TMC1: variants seen among roughly 807,000 people sequenced by gnomAD.
TMC1 encodes transmembrane channel-like protein 1.
Under a neutral mutation model 105.8 loss-of-function variants are expected in TMC1, and 84 were observed. The ratio of observed to expected loss-of-function variants is 0.79; its 90% CI spans 0.67 to 0.95. TMC1 has a LOEUF of 0.95. Ranked by LOEUF, TMC1 falls within the 40% of genes least tolerant of loss-of-function variation. TMC1 has a pLI of 0.00. For synonymous variants in TMC1, 315 were observed against 311.5 expected, an observed-to-expected ratio of 1.01 and a Z score of -0.12; for missense variants, 817 against 914.1, an observed-to-expected ratio of 0.89 and a Z score of 1.37.
intron 4 of TMC1, among the ~76,000 whole-genome samples, chr9:72,645,474 T>C (rs1825694940): frequency 6.6e-6 from 1 of 152,154 alleles, no homozygotes; most frequent in Non-Finnish European, 1.5e-5. Context: ...CCAGTCAAAA[T>C]AAGAGCAGAC....
chr9:72,554,660 T>G (rs1823902842), intron 1 of TMC1, among the ~76,000 whole-genome samples: 1 of 152,186 alleles, frequency 6.6e-6, no homozygotes, highest in Non-Finnish European at 1.5e-5. Context: ...AACCATTCAT[T>G]CACAAGCTTA....
intron 8 of TMC1, among the ~76,000 whole-genome samples, chr9:72,737,053 T>C (rs1384326458): frequency 1.3e-5 from 2 of 152,172 alleles, no homozygotes; most frequent in African/African-American, 4.8e-5. Flanking sequence ...TTTTGAGAAG[T>C]GTTGGGAGGA....
chr9:72,681,241 A>G (rs995308772), intron 5 of TMC1, among the ~76,000 whole-genome samples: 1 of 152,140 alleles, frequency 6.6e-6, no homozygotes, highest in Non-Finnish European at 1.5e-5. Context: ...CTCTGAATAT[A>G]TATTATGACA....
chr9:72,741,449 C>T, intron 9 of TMC1: 1 of 352,354 alleles, frequency 2.8e-6, no homozygotes, highest in Non-Finnish European at 5.4e-6. Context: ...TGTACCCAGA[C>T]AAAGCACATC....
In TMC1 at chr9:72,665,177, T is replaced by C. The variant is rs116364602; in HGVS notation, c.16+16513T>C. On this transcript the variant is annotated intron_variant, in intron 5 of 23. Coordinates refer to ENST00000297784, the MANE Select transcript of TMC1 (RefSeq NM_138691.3). Reference sequence around the variant, plus strand: ...CCACCTTTGTGTATGTGGTCTGTCATTGACTGAAGTGTCGTTATGTGGTAC... The same window carrying C: ...CCACCTTTGTGTATGTGGTCTGTCACTGACTGAAGTGTCGTTATGTGGTAC... 9.3e-3 allele frequency among the ~76,000 whole-genome samples: 1,413 copies of C among 152,338 alleles called. 25 individuals are homozygous for C. Among genetic ancestry groups the C allele is most frequent in the African/African-American group, 0.032 (1,320 of 41,588 alleles).
chr9:72,665,083 CAG>C (rs915283606), intron 5 of TMC1, among the ~76,000 whole-genome samples: 6 of 152,300 alleles, frequency 3.9e-5, no homozygotes, highest in Middle Eastern at 3.4e-3. Context: ...CAAGGGGTAT[CAG>C]GGAACTCTCC....
At chr9:72,588,888 G>C (rs1165955535) in intron 2 of TMC1, among the ~76,000 whole-genome samples, 1 of 151,072 alleles carries the variant, frequency 6.6e-6, no homozygotes, top group Non-Finnish European at 1.5e-5. Flanking sequence ...TGATTCTCCT[G>C]CCTCAGCCTC....
intron 2 of TMC1, among the ~76,000 whole-genome samples, chr9:72,615,241 G>A (rs1825107347): frequency 6.6e-6 from 1 of 152,132 alleles, no homozygotes; most frequent in African/African-American, 2.4e-5. Context: ...CTGGTAAACT[G>A]GAGGGGTGTG....
At chr9:72,765,606 A>G (rs1827817344) in intron 12 of TMC1, among the ~76,000 whole-genome samples, 1 of 151,234 alleles carries the variant, frequency 6.6e-6, no homozygotes, top group African/African-American at 2.4e-5. Flanking sequence ...ATTTAGGGAG[A>G]AAGGAGGGCA....
intron 11 of TMC1, among the ~76,000 whole-genome samples, chr9:72,752,631 C>G (rs565856422): frequency 6.6e-6 from 1 of 152,146 alleles, no homozygotes; most frequent in Non-Finnish European, 1.5e-5. Context: ...AGAGCCTTCA[C>G]TCATATGAAG....
intron 8 of TMC1, among the ~76,000 whole-genome samples, chr9:72,704,895 C>T (rs1320575015): frequency 6.6e-6 from 1 of 152,102 alleles, no homozygotes; most frequent in Non-Finnish European, 1.5e-5. Context: ...CTCCACTAAA[C>T]AGAATACTCA....
chr9:72,624,306 C>T (rs986946678), intron 3 of TMC1, among the ~76,000 whole-genome samples: 2 of 152,136 alleles, frequency 1.3e-5, no homozygotes, highest in Admixed American at 1.3e-4. Flanking sequence ...GATGGATCAT[C>T]CTGAGCACAT....
chr9:72,576,737 C>T (rs1292877683), intron 1 of TMC1, among the ~76,000 whole-genome samples: 2 of 150,270 alleles, frequency 1.3e-5, no homozygotes, highest in African/African-American at 4.9e-5. Flanking sequence ...TCAAGCGATT[C>T]TCCTGCTCAG....
chr9:72,536,376 AGGC>A (rs1379245345), intron 1 of TMC1, among the ~76,000 whole-genome samples: 10 of 152,158 alleles, frequency 6.6e-5, no homozygotes, highest in Non-Finnish European at 4.4e-5. Flanking sequence ...TCCGTCACCC[AGGC>A]TGGAGTGCAG....
chr9:72,679,245 C>G (rs933499067), intron 5 of TMC1, among the ~76,000 whole-genome samples: 1 of 152,052 alleles, frequency 6.6e-6, no homozygotes, highest in Non-Finnish European at 1.5e-5. Context: ...TCACTGAGTT[C>G]AGCATAAGTT....
intron 2 of TMC1, among the ~76,000 whole-genome samples, chr9:72,614,563 T>C (rs972610807): frequency 4.6e-5 from 7 of 152,130 alleles, no homozygotes; most frequent in African/African-American, 1.4e-4. Context: ...TTTTGCAAGG[T>C]TTTCAAGGGA....
At chr9:72,537,374 C>T (rs963788086) in intron 1 of TMC1, among the ~76,000 whole-genome samples, 4 of 152,138 alleles carry the variant, frequency 2.6e-5, no homozygotes, top group Non-Finnish European at 4.4e-5. Flanking sequence ...AATTCCTCTC[C>T]TGAAAACACT....
chr9:72,574,127 C>T (rs1587967947), intron 1 of TMC1, among the ~76,000 whole-genome samples: 1 of 152,306 alleles, frequency 6.6e-6, no homozygotes. Flanking sequence ...TGATCTTGTT[C>T]CTTTTAATTT....
intron 17 of TMC1, among the ~76,000 whole-genome samples, chr9:72,792,861 A>G (rs1307107445): frequency 6.6e-6 from 1 of 152,208 alleles, no homozygotes; most frequent in Non-Finnish European, 1.5e-5. Flanking sequence ...ACATCCAGGT[A>G]CATGCATTGG....
Sources: allele counts gnomAD v4.1 joint callset (sites outside exome capture counted in the v4.1 genomes callset), GRCh38; gene constraint gnomAD v4.1.1; transcripts MANE v1.5; gene names NCBI Gene and HGNC (gene_info 2026-07-23, HGNC 2026-07-21).